Variants in INTS13 observed in about 807,000 individuals in gnomAD.
The protein encoded by INTS13 is integrator complex subunit 13.
A neutral mutation model predicts 90.2 loss-of-function variants in INTS13; 35 were observed. That is an observed-to-expected ratio of 0.39 (90% CI 0.30 to 0.51). The LOEUF is 0.51. Among genes scored for constraint, INTS13 ranks in the 20% least tolerant of loss-of-function variants. INTS13 has a pLI of 0.80. For synonymous variants in INTS13, 309 were observed against 277.1 expected (o/e 1.11, Z -1.14); for missense variants, 601 against 851.2 (o/e 0.71, Z 3.66).
At chr12:26,937,484 G>T (rs1459894899) in intron 1 of INTS13, among the ~76,000 whole-genome samples, 1 of 152,284 alleles carries the variant, frequency 6.6e-6, no homozygotes, top group Non-Finnish European at 1.5e-5. Context: ...TGTGTAGAAG[G>T]AAATTTAAAA....
chr12:26,914,248 A>G (rs1951869780), intron 12 of INTS13, 120 bp from the exon 13 acceptor site: 1 of 1,171,990 alleles, frequency 8.5e-7, no homozygotes. Context: ...GGAATCTATA[A>G]CTATCACTTC....
chr12:26,934,896 GAA>G (rs1244878729), intron 2 of INTS13, among the ~76,000 whole-genome samples: 7 of 152,166 alleles, frequency 4.6e-5, no homozygotes, highest in African/African-American at 1.7e-4. Context: ...ACTGCGGGAA[GAA>G]TACAAACAAA....
At chr12:26,907,999 G>A (rs1217368899) in intron 15 of INTS13, among the ~76,000 whole-genome samples, 1 of 152,092 alleles carries the variant, frequency 6.6e-6, no homozygotes, top group Non-Finnish European at 1.5e-5. Context: ...AATGCAAAAT[G>A]GTGCCACCAC....
intron 11 of INTS13, among the ~76,000 whole-genome samples, 167 bp downstream of exon 11, chr12:26,915,835 T>C (rs890041008): frequency 6.6e-6 from 1 of 152,198 alleles, no homozygotes; most frequent in African/African-American, 2.4e-5. Context: ...CAATGATAAA[T>C]AGAATTTTTG....
At chr12:26,935,754 T>C (rs189767952) in intron 2 of INTS13, among the ~76,000 whole-genome samples, 1 of 152,320 alleles carries the variant, frequency 6.6e-6, no homozygotes, top group Admixed American at 6.5e-5. Flanking sequence ...TTGGAATATA[T>C]GTGAATGTAT....
At chr12:26,913,435 T>C (rs897303948) in intron 14 of INTS13, 22 bp downstream of exon 14, 46 of 1,584,912 alleles carry the variant, frequency 2.9e-5, no homozygotes, top group Non-Finnish European at 3.7e-5. Flanking sequence ...ACCATGGTGC[T>C]ATATCAATGC....
chr12:26,910,792 C>T (rs1318859862), intron 15 of INTS13, among the ~76,000 whole-genome samples: 4 of 152,112 alleles, frequency 2.6e-5, no homozygotes, highest in Non-Finnish European at 5.9e-5. Context: ...TCCTCACATA[C>T]ACAACAATAT....
chr12:26,914,574 A>C lies in INTS13; in HGVS notation c.1253T>G (p.Phe418Cys). ...GRVTDYRITD[F>C]GEFMRENRLT... The stretch of plus-strand genomic sequence containing the variant: ...TCTGTTTTCCCTCATAAATTCACCA[A>C]AATCCTAATGATAACCAAATAAGAT... The change falls in exon 12 of 17, where the codon TTT becomes TGT. Residue 418 changes from phenylalanine to cysteine, a missense_variant. Phe to Cys is a radical substitution (Grantham distance 205). This residue lies in a region of INTS13 where 89 missense variants were observed against 191.0 expected (regional missense o/e 0.47). Transcript: ENST00000261191. 3 of 1,608,580 alleles carry C rather than the reference A, an allele frequency of 1.9e-6. No homozygotes were observed. The highest frequency in any genetic ancestry group is 1.7e-6 in the Non-Finnish European group (2 of 1,176,388).
chr12:26,934,843 T>A (rs1938378514), intron 2 of INTS13, among the ~76,000 whole-genome samples: 1 of 152,174 alleles, frequency 6.6e-6, no homozygotes, highest in Admixed American at 6.5e-5. Context: ...TCACTCACAA[T>A]GTGGGGAAAG....
chr12:26,924,586 C>T (rs1937764945), intron 6 of INTS13, 103 bp from the exon 7 acceptor site: 2 of 1,295,592 alleles, frequency 1.5e-6, no homozygotes, highest in Non-Finnish European at 1.0e-6. Context: ...GTATTTTTAA[C>T]TTTTTAGAAG....
chr12:26,913,833 C>A (rs1951859197), intron 13 of INTS13, 141 bp downstream of exon 13: 1 of 1,119,546 alleles, frequency 8.9e-7, no homozygotes, highest in Non-Finnish European at 1.3e-6. Context: ...ATATCCATTT[C>A]TATGATTTTG....
chr12:26,905,545 G>T lies in INTS13; in HGVS notation c.2082-9C>A. On this transcript the variant is annotated splice_polypyrimidine_tract_variant and intron_variant, in intron 16 of 16. Transcript: ENST00000261191. ...TTTCTGTTGTCTCCATCCTGAAATA[G>T]GAAGAAAAAAACGAGTTGATAAAAT... The T allele has an allele frequency of 6.2e-7, 1 of 1,607,732 alleles. No homozygotes were observed. Among genetic ancestry groups the T allele is most frequent in the Non-Finnish European group, 8.5e-7 (1 of 1,177,472 alleles).
Position 26,934,594 on chromosome 12 carries a change from A to G in INTS13, c.262T>C (p.Leu88=). ...FIVSDSGAHV[L]NSWTQEDQNL... is the part of the protein sequence containing the mutation. ...TGGTCTTCTTGAGTCCAAGAATTTA[A>G]AACATGTGCTCCAGAGTCACTCACA... The change falls in exon 3 of 17, where the codon TTA becomes CTA. Residue 88 remains leucine (L), a synonymous_variant. Transcript: ENST00000261191. 1 of 1,613,840 alleles carries G rather than the reference A, an allele frequency of 6.2e-7. No homozygotes were observed. Among genetic ancestry groups the G allele is most frequent in the East Asian group, 2.2e-5 (1 of 44,846 alleles).
chr12:26,917,328 A>G, intron 10 of INTS13, 24 bp downstream of exon 10: 1 of 931,206 alleles, frequency 1.1e-6, no homozygotes, highest in South Asian at 2.3e-5. Context: ...ATTTCAGTCA[A>G]AACCATTAAA....
At chr12:26,915,886 C>A (rs1245540046) in intron 11 of INTS13, 116 bp downstream of exon 11, 3 of 670,494 alleles carry the variant, frequency 4.5e-6, no homozygotes, top group South Asian at 3.4e-5. Flanking sequence ...AAATAATAAT[C>A]AACTTCTTCC....
intron 2 of INTS13, among the ~76,000 whole-genome samples, 181 bp from the exon 3 acceptor site, chr12:26,934,811 A>G (rs911859373): frequency 1.3e-5 from 2 of 152,242 alleles, no homozygotes; most frequent in African/African-American, 4.8e-5. Context: ...ATGGGAATAG[A>G]GTGATGAATA....
chr12:26,917,612 T>A, intron 9 of INTS13, 32 bp downstream of exon 9: 1 of 1,569,098 alleles, frequency 6.4e-7, no homozygotes, highest in Non-Finnish European at 8.8e-7. Flanking sequence ...ACCTTTTGAT[T>A]TCGTCTTTTT....
At chr12:26,932,277 A>C (rs911648826) in intron 3 of INTS13, among the ~76,000 whole-genome samples, 1 of 152,236 alleles carries the variant, frequency 6.6e-6, no homozygotes, top group Admixed American at 6.5e-5. Context: ...GGAAACTAAA[A>C]GGCAAAATAA....
At chr12:26,920,346 G>A (rs1369382362) in intron 8 of INTS13, among the ~76,000 whole-genome samples, 1 of 151,950 alleles carries the variant, frequency 6.6e-6, no homozygotes, top group African/African-American at 2.4e-5. Flanking sequence ...ATAACTACAG[G>A]CCAAGTCAAC....
Sources: gnomAD v4.1 joint callset for allele counts (sites outside exome capture counted in the v4.1 genomes callset) on GRCh38, gnomAD v4.1.1 for gene constraint, gnomAD v4.1.1 regional missense constraint, MANE v1.5 for transcripts, NCBI Gene and HGNC (gene_info 2026-07-23, HGNC 2026-07-21) for gene names.